TSHZ3: variants seen among roughly 807,000 people sequenced by gnomAD.
TSHZ3 encodes the protein teashirt homolog 3.
In TSHZ3, 10 loss-of-function variants were observed where a neutral mutation model predicts 64.5. The ratio of observed to expected loss-of-function variants is 0.16; its 90% CI spans 0.10 to 0.26. The LOEUF (loss-of-function observed/expected upper bound fraction) is 0.26, where lower values mean the gene tolerates loss of function less well. Ranked by LOEUF, TSHZ3 falls within the 10% of genes least tolerant of loss-of-function variation. The pLI is 1.00. For synonymous variants in TSHZ3, 608 were observed against 593.1 expected (o/e 1.03, Z -0.36); for missense variants, 1,242 against 1,421.7 (o/e 0.87, Z 2.03).
chr19:31,215,684 A>T (rs1975317246), intron 4 of TSHZ3, among the ~76,000 whole-genome samples: 1 of 152,198 alleles, frequency 6.6e-6, no homozygotes, highest in African/African-American at 2.4e-5. Flanking sequence ...CAGCCTGACC[A>T]ACATGGTGAA....
chr19:31,310,194 T>C (rs867721779), intron 1 of TSHZ3, among the ~76,000 whole-genome samples: 11 of 152,294 alleles, frequency 7.2e-5, no homozygotes, highest in Non-Finnish European at 8.8e-5. Flanking sequence ...AACCTTCTCA[T>C]GTCTCTTCCC....
chr19:31,182,175 A>G (rs1417027475), intron 5 of TSHZ3, among the ~76,000 whole-genome samples: 2 of 152,210 alleles, frequency 1.3e-5, no homozygotes, highest in Non-Finnish European at 2.9e-5. Context: ...TGGAGAAAGA[A>G]CCCAGATAGA....
At chr19:31,323,812 C>A (rs11084581) in intron 1 of TSHZ3, among the ~76,000 whole-genome samples, 13,243 of 150,980 alleles carry the variant, frequency 0.088, 881 homozygotes, top group East Asian at 0.34. Flanking sequence ...GATGTTTTCT[C>A]CCAGGTGGTA....
At chr19:31,269,934 A>C (rs971261043) in intron 1 of TSHZ3, among the ~76,000 whole-genome samples, 5 of 152,182 alleles carry the variant, frequency 3.3e-5, no homozygotes, top group Non-Finnish European at 7.3e-5. Context: ...CACGCCAGCC[A>C]CGGAGCCAAG....
intron 1 of TSHZ3, among the ~76,000 whole-genome samples, chr19:31,285,724 C>T (rs2145123225): frequency 8.0e-6 from 1 of 124,556 alleles, no homozygotes; most frequent in East Asian, 2.6e-4. Context: ...GTGGAGACTG[C>T]AGTGAGCTGT....
chr19:31,331,877 T>A (rs1165214607), intron 1 of TSHZ3, among the ~76,000 whole-genome samples: 1 of 152,194 alleles, frequency 6.6e-6, no homozygotes, highest in Non-Finnish European at 1.5e-5. Context: ...CAGCCAAGCC[T>A]GCCTCCCTGA....
At chr19:31,329,373 C>T (rs964153066) in intron 1 of TSHZ3, among the ~76,000 whole-genome samples, 2 of 152,194 alleles carry the variant, frequency 1.3e-5, no homozygotes, top group Non-Finnish European at 2.9e-5. Flanking sequence ...ATTTATATCA[C>T]GTTACCTCCA....
intron 1 of TSHZ3, among the ~76,000 whole-genome samples, chr19:31,298,169 T>C (rs1046219163): frequency 2.6e-5 from 4 of 151,998 alleles, no homozygotes; most frequent in African/African-American, 9.7e-5. Context: ...ACCAGGAGCA[T>C]TTCACCTCCC....
intron 1 of TSHZ3, among the ~76,000 whole-genome samples, chr19:31,310,280 A>C (rs184528398): frequency 2.2e-4 from 34 of 152,260 alleles, no homozygotes; most frequent in Admixed American, 2.2e-3. Flanking sequence ...TGAAGAGTCG[A>C]GTGACCCAAA....
intron 4 of TSHZ3, among the ~76,000 whole-genome samples, chr19:31,224,474 A>G (rs748409847): frequency 2.2e-4 from 33 of 152,222 alleles, no homozygotes; most frequent in Non-Finnish European, 4.0e-4. Flanking sequence ...GGAAGTTTCA[A>G]GTGACGTTTG....
Position 31,349,190 on chromosome 19 carries a change from C to T in TSHZ3, c.30G>A (p.Arg10=), listed in dbSNP as rs1233722307. 1.3e-6 allele frequency: 2 copies of T among 1,541,870 alleles called. No homozygotes were observed. Among genetic ancestry groups the T allele is most frequent in the Admixed American group, 4.0e-5 (2 of 50,612 alleles). Reference sequence around the variant, plus strand: ...GGAAGCGGCTCGTACCTGCTGCGCGCCGGGGCGCCTGCTGCTTCCTCCTCG... The same window carrying T: ...GGAAGCGGCTCGTACCTGCTGCGCGTCGGGGCGCCTGCTGCTTCCTCCTCG... MPRRKQQAP[R]RAAAYVSEEL... The change falls in exon 1 of 2, where the codon CGG becomes CGA. Residue 10 remains arginine (R), a synonymous_variant. Coordinates refer to ENST00000240587, the MANE Select transcript of TSHZ3 (RefSeq NM_020856.4).
At chr19:31,306,503 T>C in intron 1 of TSHZ3, among the ~76,000 whole-genome samples, 1 of 152,180 alleles carries the variant, frequency 6.6e-6, no homozygotes, top group Admixed American at 6.5e-5. Flanking sequence ...CTCTTTTATC[T>C]TGAGAGGGCA....
At chr19:31,229,361 G>A (rs1024487020) in intron 3 of TSHZ3, among the ~76,000 whole-genome samples, 27 of 152,166 alleles carry the variant, frequency 1.8e-4, no homozygotes, top group African/African-American at 6.5e-4. Context: ...TGGGCAGGTA[G>A]AAAGAACATT....
chr19:31,237,584 G>T (rs995585378), intron 3 of TSHZ3, among the ~76,000 whole-genome samples: 1 of 151,624 alleles, frequency 6.6e-6, no homozygotes, highest in Non-Finnish European at 1.5e-5. Flanking sequence ...TTTTCCCCAT[G>T]TGAATGTTTA....
Position 31,215,241 on chromosome 19 carries a change from T to C in TSHZ3, n.687-10163A>G, listed in dbSNP as rs143627038. On this transcript the variant is annotated intron_variant and non_coding_transcript_variant, in intron 4 of 6. Transcript: ENST00000651361. ...AATAAATTTACTCAAAAAGGAAAAT[T>C]GCTGTCACTCACTGGGAAGTCAGAA... Among the ~76,000 whole-genome samples, 1,046 of 152,274 alleles carry C rather than the reference T, an allele frequency of 6.9e-3. 17 individuals are homozygous for C. Among genetic ancestry groups the C allele is most frequent in the African/African-American group, 0.024 (999 of 41,546 alleles).
At chr19:31,260,366 G>A (rs1013333520) in intron 1 of TSHZ3, among the ~76,000 whole-genome samples, 3 of 152,134 alleles carry the variant, frequency 2.0e-5, no homozygotes, top group African/African-American at 7.2e-5. Flanking sequence ...ACTACATAAA[G>A]TGTACTTTGG....
intron 1 of TSHZ3, among the ~76,000 whole-genome samples, chr19:31,327,354 T>C (rs904103051): frequency 3.3e-5 from 5 of 152,238 alleles, no homozygotes; most frequent in South Asian, 2.1e-4. Context: ...TGAGAGATAG[T>C]AAAATAGATT....
In TSHZ3 at chr19:31,329,756, G is replaced by A. The variant is rs936307439; in HGVS notation, c.40+19424C>T. Among the ~76,000 whole-genome samples, 8 of 152,108 alleles carry A rather than the reference G, an allele frequency of 5.3e-5. No individual in the cohort carries two copies. In the South Asian group the frequency reaches 8.3e-4, roughly 16 times the overall value. On this transcript the variant is annotated intron_variant, in intron 1 of 1. Coordinates refer to ENST00000240587, the MANE Select transcript of TSHZ3 (RefSeq NM_020856.4). ...TTGTGGAGAGAGAGGCAGGAACACC[G>A]CCCTGTGTAACTCCATCCCTTTCTC...
At chr19:31,336,479 C>T (rs1005936959) in intron 1 of TSHZ3, among the ~76,000 whole-genome samples, 1 of 152,132 alleles carries the variant, frequency 6.6e-6, no homozygotes, top group African/African-American at 2.4e-5. Flanking sequence ...AGGCAAGAGG[C>T]CAGAGGAGAT....
Sources: allele counts gnomAD v4.1 joint callset (sites outside exome capture counted in the v4.1 genomes callset), GRCh38; gene constraint gnomAD v4.1.1; transcripts MANE v1.5; gene names NCBI Gene and HGNC (gene_info 2026-07-23, HGNC 2026-07-21).